The following SLC7A9 variants were observed in gnomAD, a reference collection of about 807,000 sequenced individuals.
The protein encoded by SLC7A9 is B(0,+)-type amino acid transporter 1.
A neutral mutation model predicts 54.1 loss-of-function variants in SLC7A9; 38 were observed. The ratio of observed to expected loss-of-function variants is 0.70; its 90% confidence interval spans 0.54 to 0.92. The LOEUF is 0.92. Among genes scored for constraint, SLC7A9 ranks in the 40% least tolerant of loss-of-function variants. The probability of loss-of-function intolerance (pLI) is 0.00; values close to 1 mark genes in which losing one functional copy is unlikely to be tolerated. For missense variants in SLC7A9, 537 were observed against 636.1 expected (o/e 0.84, Z 1.68); for synonymous variants, 264 against 258.9 (o/e 1.02, Z -0.19).
At position 32,842,214 on chromosome 19, in the gene SLC7A9, A is replaced by G; in HGVS notation, c.1178T>C (p.Leu393Pro). 6.2e-7 allele frequency: 1 copy of G among 1,614,188 alleles called. No individual in the cohort carries two copies. The highest frequency in any genetic ancestry group is 8.5e-7 in the Non-Finnish European group (1 of 1,180,026). The part of the protein sequence containing the change: ...WLFYGLTILG[L>P]IVMRFTRKEL... ...TTTCCTTGTAAATCTCATCACGATG[A>G]GTCCTAGAATCGTCAGGCCATAAAA... is the stretch of plus-strand genomic sequence containing the variant. Residue 393 changes from leucine to proline, a missense_variant, in exon 11 of 13, where the codon CTC becomes CCC. Coordinates refer to ENST00000023064, the MANE Select transcript of SLC7A9 (RefSeq NM_014270.5).
At chr19:32,843,460 CA>C (rs200851302) in intron 10 of SLC7A9, among the ~76,000 whole-genome samples, 3 of 150,844 alleles carry the variant, frequency 2.0e-5, no homozygotes, top group African/African-American at 4.9e-5. Flanking sequence ...GACTCCGTAT[CA>C]AAAAAAAAGT....
intron 9 of SLC7A9, among the ~76,000 whole-genome samples, chr19:32,846,772 T>G (rs1968310400): frequency 6.6e-6 from 1 of 152,118 alleles, no homozygotes; most frequent in Non-Finnish European, 1.5e-5. Context: ...AACCCCCCAG[T>G]AGGGGCAGAC....
At chr19:32,831,280 T>C (rs1036559704) in intron 12 of SLC7A9, 2 of 153,696 alleles carry the variant, frequency 1.3e-5, no homozygotes, top group East Asian at 1.9e-4. Flanking sequence ...GAATGTAATA[T>C]AGACTTTTTG....
At chr19:32,848,850 C>T (rs1968378736) in intron 9 of SLC7A9, among the ~76,000 whole-genome samples, 1 of 152,156 alleles carries the variant, frequency 6.6e-6, no homozygotes, top group African/African-American at 2.4e-5. Context: ...GACCACAGTG[C>T]AATCAAACTA....
At chr19:32,837,576 C>T (rs1409635070) in intron 11 of SLC7A9, among the ~76,000 whole-genome samples, 1 of 151,564 alleles carries the variant, frequency 6.6e-6, no homozygotes, top group Non-Finnish European at 1.5e-5. Flanking sequence ...ACATGTTACC[C>T]AACACAGATT....
intron 2 of SLC7A9, among the ~76,000 whole-genome samples, chr19:32,867,940 A>G (rs1969022402): frequency 6.9e-6 from 1 of 145,684 alleles, no homozygotes; most frequent in East Asian, 2.0e-4. Context: ...AAAAAAAAAA[A>G]AAAAAAAAAA....
At chr19:32,838,789 A>G (rs1054119769) in intron 11 of SLC7A9, among the ~76,000 whole-genome samples, 2 of 146,312 alleles carry the variant, frequency 1.4e-5, no homozygotes, top group African/African-American at 2.5e-5. Flanking sequence ...ATATACATAT[A>G]CAAATATATA....
chr19:32,832,864 A>G, intron 12 of SLC7A9: 2 of 401,176 alleles, frequency 5.0e-6, no homozygotes, highest in South Asian at 4.4e-5. Flanking sequence ...AGCTATGACC[A>G]TGCCACTGCA....
chr19:32,832,207 T>C (rs993820148), intron 12 of SLC7A9, among the ~76,000 whole-genome samples: 2 of 151,982 alleles, frequency 1.3e-5, no homozygotes, highest in African/African-American at 4.8e-5. Flanking sequence ...GAAAATCGCT[T>C]GAACGTGGGA....
At chr19:32,864,480 G>A (rs1444141078) in intron 3 of SLC7A9, 142 bp from the exon 4 acceptor site, 27 of 1,505,482 alleles carry the variant, frequency 1.8e-5, no homozygotes, top group Middle Eastern at 2.1e-4. Context: ...GAGCTCCAGC[G>A]TTGGACATTC....
intron 9 of SLC7A9, among the ~76,000 whole-genome samples, chr19:32,845,909 C>G (rs770716476): frequency 6.6e-6 from 1 of 152,130 alleles, no homozygotes; most frequent in South Asian, 2.1e-4. Context: ...GAGGCTGAGG[C>G]AGGAGAATCA....
chr19:32,862,185 C>T lies in SLC7A9; in HGVS notation c.637G>A (p.Gly213Ser). ...ATGGCTCCCACAGACAGCTGGGCGC[C>T]CTCGAAAGAATTATCAAAATTCTTT... ...NTKNFDNSFE[G>S]AQLSVGAISL... is the part of the protein sequence containing the mutation. The change falls in exon 6 of 13, where the codon GGC (glycine) becomes AGC (serine). Residue 213 changes from glycine (G) to serine (S), a missense_variant. Coordinates refer to ENST00000023064, the MANE Select transcript of SLC7A9 (RefSeq NM_014270.5). 2 of 1,613,934 alleles carry T rather than the reference C, an allele frequency of 1.2e-6. No individual in the cohort carries two copies. The highest frequency in any genetic ancestry group is 1.7e-5 in the Admixed American group (1 of 60,000).
At chr19:32,839,329 T>A (rs1968063460) in intron 11 of SLC7A9, among the ~76,000 whole-genome samples, 1 of 151,910 alleles carries the variant, frequency 6.6e-6, no homozygotes, top group African/African-American at 2.4e-5. Flanking sequence ...CTGAAGTGGG[T>A]GGATCACAAA....
intron 2 of SLC7A9, among the ~76,000 whole-genome samples, chr19:32,866,187 C>T (rs558694218): frequency 5.5e-4 from 83 of 152,268 alleles, no homozygotes; most frequent in Non-Finnish European, 9.6e-4. Flanking sequence ...CAGGCTGCCA[C>T]CCTGAGGACT....
intron 4 of SLC7A9, 193 bp from the exon 5 acceptor site, chr19:32,862,779 C>T (rs1638949199): frequency 4.8e-6 from 2 of 419,026 alleles, no homozygotes; most frequent in Non-Finnish European, 7.9e-6. Flanking sequence ...TCAAGCAATT[C>T]TCCTGCCTCA....
chr19:32,843,972 A>AGTCCGCTGACCAGAGTGCAGACCATCT, intron 9 of SLC7A9, 21 bp from the exon 10 acceptor site: 1 of 1,573,138 alleles, frequency 6.4e-7, no homozygotes, highest in Non-Finnish European at 8.7e-7. Context: ...ACGACACGGG[A>AGTCCGCTGACCAGAGTGCAGACCATCT]GTCCGCTGAC....
At chr19:32,865,020 G>C (rs1222411580) in intron 2 of SLC7A9, among the ~76,000 whole-genome samples, 1 of 152,230 alleles carries the variant, frequency 6.6e-6, no homozygotes, top group East Asian at 1.9e-4. Context: ...CCCATGGACA[G>C]AGGAGGACGC....
At chr19:32,866,027 A>T (rs924002768) in intron 2 of SLC7A9, among the ~76,000 whole-genome samples, 5 of 151,972 alleles carry the variant, frequency 3.3e-5, no homozygotes, top group Non-Finnish European at 5.9e-5. Context: ...AGGAAAAAAA[A>T]GTCCAACTCA....
rs755569033 is a variant in SLC7A9 at position 32,830,696 on chromosome 19, G to A, written c.1400-12C>T. On this transcript the variant is annotated splice_polypyrimidine_tract_variant and intron_variant, in intron 12 of 12. Coordinates refer to ENST00000023064, the MANE Select transcript of SLC7A9 (RefSeq NM_014270.5). The stretch of plus-strand genomic sequence containing the variant: ...CATGGTAATCGGCTCTGAAATAAGA[G>A]TCAAAAATGAGTACAGTTAGTTAGA... The A allele has an allele frequency of 1.6e-5, 25 of 1,610,770 alleles. No individual in the cohort carries two copies. The East Asian group carries it at 4.9e-4, about 32-fold the overall frequency.
Sources: gnomAD v4.1 joint callset for allele counts (sites outside exome capture counted in the v4.1 genomes callset) on GRCh38, gnomAD v4.1.1 for gene constraint, MANE v1.5 for transcripts, NCBI Gene and HGNC (gene_info 2026-07-23, HGNC 2026-07-21) for gene names.